Variants in KCNK4 observed in about 807,000 individuals in gnomAD.
KCNK4 encodes potassium two pore domain channel subfamily K member 4.
In KCNK4, 22 loss-of-function variants were observed where a neutral mutation model predicts 28.8. The observed-to-expected ratio is 0.76, with a 90% CI of 0.55 to 1.09. The LOEUF (loss-of-function observed/expected upper bound fraction) is 1.09. Ranked by LOEUF, KCNK4 falls within the 50% of genes least tolerant of loss-of-function variation. The pLI, the probability that KCNK4 is intolerant of heterozygous loss-of-function variation, is 0.00. For missense variants in KCNK4, 483 were observed against 546.3 expected, an observed-to-expected ratio of 0.88 and a Z score of 1.15; for synonymous variants, 263 against 252.9, an observed-to-expected ratio of 1.04 and a Z score of -0.38.
At position 64,299,818 on chromosome 11, in the gene KCNK4, A is replaced by G. The variant is rs1371521178; in HGVS notation, c.*92A>G. ...TTGACCAAAGAGCCCTCTTTCCACG[A>G]GACTGAAGTCTGGGGAGGAGGCTAC... On this transcript the variant is annotated 3_prime_UTR_variant, in exon 7 of 7. Transcript: ENST00000422670. 3.9e-6 allele frequency: 6 copies of G among 1,535,206 alleles called. No homozygotes were observed. Among genetic ancestry groups the G allele is most frequent in the Non-Finnish European group, 4.4e-6 (5 of 1,146,610 alleles).
rs559128859 is a variant in KCNK4 at position 64,293,022 on chromosome 11, C to T, written c.4C>T (p.Arg2Cys). 3.9e-6 allele frequency: 6 copies of T among 1,544,842 alleles called. No homozygotes were observed. Among genetic ancestry groups the T allele is most frequent in the African/African-American group, 1.4e-5 (1 of 72,788 alleles). ...TGGCCCGGCGCCTGGGCGCGCCATG[C>T]GCAGCACCACGCTCCTGGCCCTGCT... M[R>C]STTLLALLAL... Residue 2 changes from arginine to cysteine, a missense_variant, in exon 2 of 7, where the codon CGC (arginine) becomes TGC (cysteine). By Grantham distance (180) the Arg-to-Cys change is radical. Transcript: ENST00000422670.
intron 6 of KCNK4, 50 bp downstream of exon 6, chr11:64,298,299 G>C: frequency 6.2e-7 from 1 of 1,602,666 alleles, no homozygotes; most frequent in East Asian, 2.2e-5. Flanking sequence ...GTGCAAATGT[G>C]CTGTTCCCTA....
chr11:64,298,295 AT>A, intron 6 of KCNK4, 46 bp downstream of exon 6: 1 of 1,605,150 alleles, frequency 6.2e-7, no homozygotes. Flanking sequence ...TGTGGTGCAA[AT>A]GTGCTGTTCC....
At chr11:64,292,190 C>T (rs1352604536) in intron 1 of KCNK4, 7 of 754,296 alleles carry the variant, frequency 9.3e-6, no homozygotes, top group Non-Finnish European at 1.1e-5. Flanking sequence ...GTCTTTGTGC[C>T]CGCGCTTGGC....
At chr11:64,291,897 G>A (rs2034637875) in intron 1 of KCNK4, 2 of 422,150 alleles carry the variant, frequency 4.7e-6, no homozygotes, top group South Asian at 6.9e-5. Context: ...CTCCGGGAGT[G>A]GTGTGGCCGC....
rs2034883639 is a variant in KCNK4, at chr11:64,299,737, C to T, written c.*11C>T. On this transcript the variant is annotated 3_prime_UTR_variant, in exon 7 of 7. Transcript: ENST00000422670. ...GGCGTGCCGGTGTAGGGGCAGGATC[C>T]CTGGCCGGGCCTCTCAAGGGCTTCG... 3.9e-6 allele frequency: 6 copies of T among 1,547,468 alleles called. No homozygotes were observed. The highest frequency in any genetic ancestry group is 5.2e-6 in the Non-Finnish European group (6 of 1,151,308).
chr11:64,297,422 G>T, intron 4 of KCNK4, 45 bp from the exon 5 acceptor site: 1 of 1,605,914 alleles, frequency 6.2e-7, no homozygotes, highest in Non-Finnish European at 8.5e-7. Flanking sequence ...TGGGAGTGGG[G>T]ATTGTTGGTG....
intron 1 of KCNK4, chr11:64,291,970 C>A: frequency 9.4e-7 from 1 of 1,064,778 alleles, no homozygotes. Context: ...GCGGTGGGAG[C>A]GAGCTGCGGG....
chr11:64,299,636 GCC>G lies in KCNK4; in HGVS notation c.1093_1094del (p.Pro365GlufsTer62), dbSNP rs1447593238. 6.2e-7 allele frequency: 1 copy of G among 1,606,998 alleles called. No homozygotes were observed. The highest frequency in any genetic ancestry group is 2.2e-5 in the East Asian group (1 of 44,482). ...AGCGCGGCTGCCCGCTGCCCCGCGC[GCC>G]GAGAGGTCGCCGCCGCCCAAATCCC... ...SERGCPLPRA[P>X]RGRRRPNPPR... On this transcript the variant is annotated frameshift_variant, in exon 7 of 7. Transcript: ENST00000422670. LOFTEE classifies it high-confidence loss of function.
At chr11:64,292,405 G>A (rs1423755804) in intron 1 of KCNK4, among the ~76,000 whole-genome samples, 1 of 152,158 alleles carries the variant, frequency 6.6e-6, no homozygotes, top group South Asian at 2.1e-4. Context: ...GGCGGGGCGC[G>A]GGGGCACCCT....
At chr11:64,292,834 C>T in intron 1 of KCNK4, 108 bp from the exon 2 acceptor site, 1 of 1,224,552 alleles carries the variant, frequency 8.2e-7, no homozygotes, top group Non-Finnish European at 1.1e-6. Flanking sequence ...TGTCTGTGGA[C>T]AGTGCAGCTG....
chr11:64,293,257 G>T (rs563276649), intron 2 of KCNK4, 50 bp downstream of exon 2: 3 of 1,396,808 alleles, frequency 2.1e-6, no homozygotes, highest in South Asian at 1.6e-5. Context: ...CACCCCTGGC[G>T]CTAGCTGTGT....
intron 6 of KCNK4, among the ~76,000 whole-genome samples, chr11:64,299,050 G>GAAAAAAAAAAAAAAAAAAAAAAA (rs56097945): frequency 1.2e-5 from 1 of 85,074 alleles, no homozygotes; most frequent in African/African-American, 4.7e-5. Flanking sequence ...AAAAAAAGAA[G>GAAAAAAAAAAAAAAAAAAAAAAA]AAAAAAAAAA....
chr11:64,295,776 T>C (rs2034749524), intron 2 of KCNK4, among the ~76,000 whole-genome samples: 2 of 152,026 alleles, frequency 1.3e-5, no homozygotes, highest in Non-Finnish European at 2.9e-5. Flanking sequence ...ATGGAGGGTG[T>C]TGAGCAGCCA....
chr11:64,298,011 G>T lies in KCNK4; in HGVS notation c.662-99G>T, dbSNP rs538235119. On this transcript the variant is annotated intron_variant, in intron 5 of 6. Coordinates refer to ENST00000422670, the MANE Select transcript of KCNK4 (RefSeq NM_033310.3). ...AGCACATACCCATTGCCCTAGGGAG[G>T]GCAGGTCCTCTCCAGGAACTGGGAG... 4.9e-6 allele frequency: 7 copies of T among 1,421,654 alleles called. No individual in the cohort carries two copies. The East Asian group carries it at 1.4e-4, about 29-fold the overall frequency. The allele number at this position is 1,421,654 out of a possible 1,614,324, so 88.1% of individuals were successfully genotyped here.
intron 1 of KCNK4, 31 bp downstream of exon 1, chr11:64,291,597 G>A (rs977780895): frequency 6.6e-6 from 1 of 152,134 alleles, no homozygotes; most frequent in Non-Finnish European, 1.5e-5. Context: ...CCGGCGGCGA[G>A]GGCGCTGCAC....
Position 64,293,128 on chromosome 11 carries a change from G to A in KCNK4, c.110G>A (p.Arg37Lys), listed in dbSNP as rs1316457140. 3.2e-6 allele frequency: 5 copies of A among 1,542,432 alleles called. No homozygotes were observed. The highest frequency in any genetic ancestry group is 1.2e-5 in the South Asian group (1 of 82,832). Reference sequence around the variant, plus strand: ...CAGCCCCACGAGCAGCAGGCCCAGAGGGAGCTGGGGGAGGTCCGAGAGAAG... The same window carrying A: ...CAGCCCCACGAGCAGCAGGCCCAGAAGGAGCTGGGGGAGGTCCGAGAGAAG... ...LEQPHEQQAQRELGEVREKFL... is the reference protein window; with the variant it reads ...LEQPHEQQAQKELGEVREKFL... The change falls in exon 2 of 7, where the codon AGG (arginine) becomes AAG (lysine). Residue 37 changes from arginine (R) to lysine (K), a missense_variant. Physicochemically the swap from Arg to Lys is conservative, Grantham distance 26. Transcript: ENST00000422670.
chr11:64,293,973 A>G (rs1340515667), intron 2 of KCNK4, among the ~76,000 whole-genome samples: 1 of 152,116 alleles, frequency 6.6e-6, no homozygotes, highest in Non-Finnish European at 1.5e-5. Flanking sequence ...CCCTACCTAC[A>G]CCGGTTCCCA....
rs201054873 is a variant in KCNK4 at position 64,299,238 on chromosome 11, A to C, written c.802-108A>C. On this transcript the variant is annotated intron_variant, in intron 6 of 6. Coordinates refer to ENST00000422670, the MANE Select transcript of KCNK4 (RefSeq NM_033310.3). Reference sequence around the variant, plus strand: ...GCTGGCTGAGGCTGGAGGACCAGGCAGAAAAGAGGGTTGGGGTTTGATCCC... The same window carrying C: ...GCTGGCTGAGGCTGGAGGACCAGGCCGAAAAGAGGGTTGGGGTTTGATCCC... The C allele has an allele frequency of 5.7e-5, 61 of 1,063,714 alleles. No homozygotes were observed. The East Asian group carries it at 1.7e-3, about 30-fold the overall frequency. 65.9% of individuals were successfully genotyped at this position (1,063,714 alleles called of 1,614,324 possible). A position where few individuals can be genotyped will look rare whatever the true frequency, so the allele number is the denominator to read the frequency against.
Sources: allele counts gnomAD v4.1 joint callset (sites outside exome capture counted in the v4.1 genomes callset), GRCh38; gene constraint gnomAD v4.1.1; transcripts MANE v1.5; gene names NCBI Gene and HGNC (gene_info 2026-07-23, HGNC 2026-07-21).